Variants in CYP2C19 observed in about 807,000 individuals in gnomAD.
The protein encoded by CYP2C19 is cytochrome P450 2C19.
Under a neutral mutation model 40.9 loss-of-function variants are expected in CYP2C19, and 59 were observed. The ratio of observed to expected loss-of-function variants is 1.44; its 90% CI spans 1.17 to 1.79. The LOEUF (loss-of-function observed/expected upper bound fraction) is 1.79. CYP2C19 is among the 40% of genes most tolerant of loss of function. The pLI is 0.00. For missense variants in CYP2C19, 754 were observed against 596.9 expected (o/e 1.26, Z -2.74); for synonymous variants, 253 against 208.7 (o/e 1.21, Z -1.83).
intron 6 of CYP2C19, among the ~76,000 whole-genome samples, chr10:94,827,542 T>G (rs1003207696): frequency 6.6e-4 from 100 of 152,268 alleles, no homozygotes; most frequent in Middle Eastern, 6.8e-3. Context: ...GTCTATTTGA[T>G]TCTTCTCTCT....
Position 94,819,088 on chromosome 10 carries a change from C to G in CYP2C19, c.820-1408C>G, listed in dbSNP as rs1425921387. Among the ~76,000 whole-genome samples the G allele has an allele frequency of 2.6e-5, 4 of 151,098 alleles. No individual in the cohort carries two copies. In the South Asian group the frequency reaches 6.4e-4, roughly 24 times the overall value. On this transcript the variant is annotated intron_variant, in intron 5 of 8. Coordinates refer to ENST00000371321, the MANE Select transcript of CYP2C19 (RefSeq NM_000769.4). ...CTAGAACTCAGGATTAAGAATCTCACTCAAAACTGCTCAACTACATGGAAA... is the reference window on the plus strand; with the variant it reads ...CTAGAACTCAGGATTAAGAATCTCAGTCAAAACTGCTCAACTACATGGAAA...
At chr10:94,767,140 T>C (rs539752370) in intron 1 of CYP2C19, among the ~76,000 whole-genome samples, 1 of 152,102 alleles carries the variant, frequency 6.6e-6, no homozygotes, top group Non-Finnish European at 1.5e-5. Context: ...TTGTGAGAAT[T>C]TCGGATTCTC....
chr10:94,770,465 T>A (rs769237673), intron 1 of CYP2C19, among the ~76,000 whole-genome samples: 1 of 152,162 alleles, frequency 6.6e-6, no homozygotes, highest in Non-Finnish European at 1.5e-5. Context: ...GGCTGTGACC[T>A]TTCTCTGATC....
chr10:94,785,840 C>T (rs981121979), intron 5 of CYP2C19, among the ~76,000 whole-genome samples: 2 of 152,012 alleles, frequency 1.3e-5, no homozygotes, highest in African/African-American at 4.8e-5. Flanking sequence ...CTTCCCTTTG[C>T]CAGCCACATG....
chr10:94,782,095 G>T, intron 5 of CYP2C19, 98 bp downstream of exon 5: 2 of 966,054 alleles, frequency 2.1e-6, no homozygotes, highest in Non-Finnish European at 3.0e-6. Context: ...AGGTCAAGGA[G>T]TAATGCTTGA....
intron 7 of CYP2C19, among the ~76,000 whole-genome samples, chr10:94,843,327 T>A (rs192778795): frequency 1.3e-5 from 2 of 152,358 alleles, no homozygotes; most frequent in East Asian, 3.9e-4. Flanking sequence ...AACATTGGGC[T>A]AGAATTTCTG....
rs1315663980 is a variant in CYP2C19 at position 94,817,011 on chromosome 10, C to T, written c.820-3485C>T. On this transcript the variant is annotated intron_variant, in intron 5 of 8. Coordinates refer to ENST00000371321, the MANE Select transcript of CYP2C19 (RefSeq NM_000769.4). ...CATTTGGGTTGGTTCCAAGTCTTTG[C>T]TATTGTGAATAATGCCGCAATAAAC... Among the ~76,000 whole-genome samples, 422 of 110,248 alleles carry T rather than the reference C, an allele frequency of 3.8e-3. 1 individual carries two copies. The highest frequency in any genetic ancestry group is 0.013 in the African/African-American group (405 of 31,174). The allele number at this position is 110,248 out of a possible 152,430, so 72.3% of individuals were successfully genotyped here. A position where few individuals can be genotyped will look rare whatever the true frequency, so the allele number is the denominator to read the frequency against.
rs550082988 is a variant in CYP2C19 at position 94,791,200 on chromosome 10, G to A, written c.819+9203G>A. 2.6e-3 allele frequency among the ~76,000 whole-genome samples: 401 copies of A among 152,164 alleles called. 2 individuals are homozygous for A. The highest frequency in any genetic ancestry group is 9.0e-3 in the African/African-American group (375 of 41,560). On this transcript the variant is annotated intron_variant, in intron 5 of 8. Coordinates refer to ENST00000371321, the MANE Select transcript of CYP2C19 (RefSeq NM_000769.4). ...CTGATGGTAGTTTGTATTTCTGTGG[G>A]ATCAGTGGTGATATCCCCTTTATCA...
intron 6 of CYP2C19, among the ~76,000 whole-genome samples, chr10:94,831,531 G>A (rs531285451): frequency 6.6e-6 from 1 of 152,044 alleles, no homozygotes; most frequent in African/African-American, 2.4e-5. Context: ...GTTGTACAAG[G>A]GTCCACTTAT....
chr10:94,776,508 A>G (rs909570034), intron 3 of CYP2C19: 1 of 152,194 alleles, frequency 6.6e-6, no homozygotes, highest in Non-Finnish European at 1.5e-5. Context: ...AATCAGATTT[A>G]TCTGTGAATG....
chr10:94,797,933 A>G (rs1269699523), intron 5 of CYP2C19, among the ~76,000 whole-genome samples: 2 of 151,956 alleles, frequency 1.3e-5, no homozygotes, highest in Non-Finnish European at 2.9e-5. Context: ...GATCTTTTCA[A>G]AATATCAGCT....
chr10:94,848,044 G>C (rs1233565222), intron 7 of CYP2C19, among the ~76,000 whole-genome samples: 5 of 152,116 alleles, frequency 3.3e-5, no homozygotes, highest in Non-Finnish European at 4.4e-5. Flanking sequence ...TCACTCTGAT[G>C]GTGGTTTCTT....
intron 1 of CYP2C19, among the ~76,000 whole-genome samples, chr10:94,770,783 T>C (rs548149037): frequency 1.3e-5 from 2 of 152,262 alleles, no homozygotes; most frequent in South Asian, 2.1e-4. Context: ...TTCCTAATTC[T>C]CCTTACTCCT....
intron 5 of CYP2C19, among the ~76,000 whole-genome samples, chr10:94,808,931 C>T: frequency 6.8e-6 from 1 of 147,232 alleles, no homozygotes; most frequent in Non-Finnish European, 1.5e-5. Flanking sequence ...TACTGATTTC[C>T]TTTCTTTTGG....
At chr10:94,829,673 T>C (rs147528722) in intron 6 of CYP2C19, among the ~76,000 whole-genome samples, 26,335 of 152,024 alleles carry the variant, frequency 0.17, 2,480 homozygotes, top group South Asian at 0.33. Flanking sequence ...TCATTCTCCA[T>C]CCAGCTTTGT....
intron 5 of CYP2C19, 23 bp from the exon 6 acceptor site, chr10:94,820,473 T>A (rs768835916): frequency 1.7e-5 from 28 of 1,613,244 alleles, no homozygotes; most frequent in Non-Finnish European, 2.4e-5. Flanking sequence ...ATTTGTCAGA[T>A]AATTGCATCA....
chr10:94,837,313 AG>A (rs1214036142), intron 6 of CYP2C19, among the ~76,000 whole-genome samples: 4 of 152,016 alleles, frequency 2.6e-5, no homozygotes, highest in African/African-American at 9.7e-5. Context: ...CTTGGGTCTG[AG>A]GGGGTGCTGC....
intron 1 of CYP2C19, among the ~76,000 whole-genome samples, chr10:94,764,884 G>A (rs979068318): frequency 3.9e-5 from 6 of 152,132 alleles, no homozygotes; most frequent in African/African-American, 1.4e-4. Flanking sequence ...TCCAGAGGTT[G>A]GTATGAGTTT....
chr10:94,828,196 G>C (rs1311307923), intron 6 of CYP2C19, among the ~76,000 whole-genome samples: 1 of 152,090 alleles, frequency 6.6e-6, no homozygotes, highest in Non-Finnish European at 1.5e-5. Context: ...GTGCAGACCT[G>C]AGTTCAATTC....
Sources: allele counts gnomAD v4.1 joint callset (sites outside exome capture counted in the v4.1 genomes callset), GRCh38; gene constraint gnomAD v4.1.1; transcripts MANE v1.5; gene names NCBI Gene and HGNC (gene_info 2026-07-23, HGNC 2026-07-21).